The following ARHGAP31 variants were observed in gnomAD, a reference collection of about 807,000 sequenced individuals.
ARHGAP31 encodes the protein rho GTPase-activating protein 31.
Under a neutral mutation model 113.9 loss-of-function variants are expected in ARHGAP31, and 34 were observed. That is an observed-to-expected ratio of 0.30 (90% CI 0.23 to 0.40). The LOEUF is 0.40. ARHGAP31 is among the 10% of genes least tolerant of loss of function. The pLI, the probability that ARHGAP31 is intolerant of heterozygous loss-of-function variation, is 1.00. For missense variants in ARHGAP31, 1,548 were observed against 1,767.1 expected, an observed-to-expected ratio of 0.88 and a Z score of 2.22; for synonymous variants, 650 against 684.8, an observed-to-expected ratio of 0.95 and a Z score of 0.79.
chr3:119,392,263 C>T (rs540180928), intron 7 of ARHGAP31, among the ~76,000 whole-genome samples: 49 of 152,224 alleles, frequency 3.2e-4, no homozygotes, highest in African/African-American at 1.1e-3. Context: ...GCCTGGGCAA[C>T]ATGGTGAAAC....
At chr3:119,360,695 T>C (rs921697143) in intron 1 of ARHGAP31, among the ~76,000 whole-genome samples, 2 of 152,232 alleles carry the variant, frequency 1.3e-5, no homozygotes, top group African/African-American at 4.8e-5. Context: ...TTATGAACTG[T>C]AAAGCATAAA....
At chr3:119,381,059 T>A in intron 4 of ARHGAP31, 73 bp downstream of exon 4, 1 of 1,446,806 alleles carries the variant, frequency 6.9e-7, no homozygotes, top group Non-Finnish European at 9.7e-7. Flanking sequence ...GCTGGCATCA[T>A]GGAAAGGAAA....
intron 1 of ARHGAP31, among the ~76,000 whole-genome samples, chr3:119,357,700 T>C (rs895173083): frequency 6.6e-6 from 1 of 152,212 alleles, no homozygotes; most frequent in Non-Finnish European, 1.5e-5. Flanking sequence ...TTCCTCTTTT[T>C]CTCCTGGAAG....
At chr3:119,337,628 A>C (rs1167706819) in intron 1 of ARHGAP31, among the ~76,000 whole-genome samples, 3 of 152,218 alleles carry the variant, frequency 2.0e-5, no homozygotes, top group South Asian at 2.1e-4. Context: ...TACAGAGTGC[A>C]GATTGGTCCG....
intron 1 of ARHGAP31, among the ~76,000 whole-genome samples, chr3:119,297,411 G>A (rs1461081045): frequency 6.6e-6 from 1 of 152,248 alleles, no homozygotes; most frequent in Non-Finnish European, 1.5e-5. Context: ...TGACAAGTCA[G>A]TGTGGTAACT....
rs1299060352 is a variant in ARHGAP31, at chr3:119,325,627, C to T, written c.100+30623C>T. ...CTAGCTTCTCCTAGTTCTGTATACCCAAGAATCCACCTGGTGGGGATGGCG... is the reference window on the plus strand; with the variant it reads ...CTAGCTTCTCCTAGTTCTGTATACCTAAGAATCCACCTGGTGGGGATGGCG... On this transcript the variant is annotated intron_variant, in intron 1 of 11. Coordinates refer to ENST00000264245, the MANE Select transcript of ARHGAP31 (RefSeq NM_020754.4). Among the ~76,000 whole-genome samples, 8 of 107,800 alleles carry T rather than the reference C, an allele frequency of 7.4e-5. No individual in the cohort carries two copies. The Admixed American group carries it at 1.0e-3, about 14-fold the overall frequency. The allele number at this position is 107,800 out of a possible 152,430, so 70.7% of individuals were successfully genotyped here.
intron 1 of ARHGAP31, among the ~76,000 whole-genome samples, chr3:119,335,865 C>T (rs912264267): frequency 6.6e-6 from 1 of 152,178 alleles, no homozygotes; most frequent in Admixed American, 6.5e-5. Flanking sequence ...AATCTAGATT[C>T]TGGGTTGAGT....
chr3:119,381,950 C>G (rs774772130), intron 4 of ARHGAP31, among the ~76,000 whole-genome samples: 17 of 145,876 alleles, frequency 1.2e-4, no homozygotes, highest in Non-Finnish European at 1.8e-4. Context: ...CGCGCCACTG[C>G]ACTCCAGCCT....
At chr3:119,409,981 A>G (rs776865250) in intron 11 of ARHGAP31, among the ~76,000 whole-genome samples, 6 of 152,200 alleles carry the variant, frequency 3.9e-5, no homozygotes, top group Non-Finnish European at 7.4e-5. Flanking sequence ...TGGGGAGGAA[A>G]CATCCTGTTC....
Position 119,416,039 on chromosome 3 carries a change from G to A in ARHGAP31, c.4110G>A (p.Lys1370=), listed in dbSNP as rs76054211. 6.1e-4 allele frequency: 978 copies of A among 1,614,158 alleles called. 12 individuals are homozygous for A. The East Asian group carries it at 0.019, about 31-fold the overall frequency. ...LPPSSTVTDS[K]VLLSPIRSPT... ...CTTCATCCACAGTGACAGATTCCAA[G>A]GTCCTGCTGTCCCCTATCAGAAGTC... The change falls in exon 12 of 12, where the codon AAG becomes AAA. Residue 1370 remains lysine, a synonymous_variant. Coordinates refer to ENST00000264245, the MANE Select transcript of ARHGAP31 (RefSeq NM_020754.4).
intron 3 of ARHGAP31, 49 bp from the exon 4 acceptor site, chr3:119,380,855 G>A: frequency 6.6e-7 from 1 of 1,518,924 alleles, no homozygotes; most frequent in Non-Finnish European, 9.1e-7. Context: ...GCAGATGGCT[G>A]TCCCTGCTCT....
chr3:119,356,209 C>A (rs2080156160), intron 1 of ARHGAP31, among the ~76,000 whole-genome samples: 1 of 152,202 alleles, frequency 6.6e-6, no homozygotes, highest in Non-Finnish European at 1.5e-5. Context: ...GGGCTAGCCC[C>A]AGCTTCCAGT....
intron 1 of ARHGAP31, among the ~76,000 whole-genome samples, chr3:119,337,398 CT>C (rs2079965185): frequency 1.3e-5 from 2 of 152,128 alleles, no homozygotes; most frequent in Non-Finnish European, 1.5e-5. Flanking sequence ...AGCTGCAGAC[CT>C]TTGTGGTGAG....
At chr3:119,378,533 A>AT (rs1403686807) in intron 3 of ARHGAP31, among the ~76,000 whole-genome samples, 1 of 152,108 alleles carries the variant, frequency 6.6e-6, no homozygotes, top group Non-Finnish European at 1.5e-5. Context: ...CCCCAGACAC[A>AT]TTTTTTAAAG....
At chr3:119,332,731 G>A (rs369977790) in intron 1 of ARHGAP31, among the ~76,000 whole-genome samples, 1 of 147,876 alleles carries the variant, frequency 6.8e-6, no homozygotes, top group South Asian at 2.2e-4. Context: ...ATGCAGCCTG[G>A]CTGAGTGAGC....
intron 1 of ARHGAP31, among the ~76,000 whole-genome samples, chr3:119,339,987 G>C (rs1046501189): frequency 5.3e-5 from 8 of 152,178 alleles, no homozygotes; most frequent in African/African-American, 1.9e-4. Context: ...GAAACAATCA[G>C]ATATCGAGAG....
chr3:119,382,421 T>G, intron 5 of ARHGAP31, 22 bp downstream of exon 5: 1 of 1,604,384 alleles, frequency 6.2e-7, no homozygotes, highest in Non-Finnish European at 8.5e-7. Context: ...ACCCTCCCCT[T>G]GTCACCAGCC....
intron 1 of ARHGAP31, among the ~76,000 whole-genome samples, chr3:119,307,953 A>AAAAAAAAAAAAAC (rs2079645292): frequency 6.7e-6 from 1 of 149,154 alleles, no homozygotes; most frequent in Non-Finnish European, 1.5e-5. Context: ...AAAAAAAAAA[A>AAAAAAAAAAAAAC]AAAAAAAGCT....
chr3:119,316,912 A>G (rs959700361), intron 1 of ARHGAP31, among the ~76,000 whole-genome samples: 15 of 152,184 alleles, frequency 9.9e-5, no homozygotes, highest in Non-Finnish European at 8.8e-5. Context: ...GCCGCAGGTC[A>G]CCCACCCAGC....
Sources: allele counts gnomAD v4.1 joint callset (sites outside exome capture counted in the v4.1 genomes callset), GRCh38; gene constraint gnomAD v4.1.1; transcripts MANE v1.5; gene names NCBI Gene and HGNC (gene_info 2026-07-23, HGNC 2026-07-21).